The following SULF2 variants were observed in gnomAD, a reference collection of about 807,000 sequenced individuals.
SULF2 encodes sulfatase 2.
Under a neutral mutation model 107.7 loss-of-function variants are expected in SULF2, and 52 were observed. The ratio of observed to expected loss-of-function variants is 0.48; its 90% confidence interval spans 0.39 to 0.61. The LOEUF (loss-of-function observed/expected upper bound fraction) is 0.61, where lower values mean the gene tolerates loss of function less well. SULF2 is among the 20% of genes least tolerant of loss of function. The pLI is 0.00. For missense variants in SULF2, 993 were observed against 1,177.3 expected, an observed-to-expected ratio of 0.84 and a Z score of 2.29; for synonymous variants, 460 against 464.3, an observed-to-expected ratio of 0.99 and a Z score of 0.12.
intron 3 of SULF2, among the ~76,000 whole-genome samples, chr20:47,730,743 C>T (rs889014945): frequency 2.6e-5 from 4 of 152,300 alleles, no homozygotes; most frequent in East Asian, 1.9e-4. Flanking sequence ...CCACTGTGCC[C>T]GGCCAGCTGA....
intron 4 of SULF2, among the ~76,000 whole-genome samples, chr20:47,695,331 T>C (rs1370238084): frequency 6.6e-6 from 1 of 152,274 alleles, no homozygotes; most frequent in Non-Finnish European, 1.5e-5. Context: ...AAGTTTTATC[T>C]GTGAAGTAGA....
Position 47,678,595 on chromosome 20 carries a change from T to G in SULF2, c.1193+81A>C. On this transcript the variant is annotated intron_variant, in intron 8 of 20. Coordinates refer to ENST00000688720, the MANE Select transcript of SULF2 (RefSeq NM_001387048.1). The surrounding 1 kb of genome is among the most constrained non-coding windows in gnomAD (Gnocchi z 4.5). ...CTCCCGACCCTTGGAGACCCCACGT[T>G]CTAGACCCACAGGGTTTTGCTCTGA... is the stretch of plus-strand genomic sequence containing the variant. The G allele has an allele frequency of 1.3e-6, 2 of 1,572,152 alleles. No individual in the cohort carries two copies. The highest frequency in any genetic ancestry group is 1.7e-6 in the Non-Finnish European group (2 of 1,154,492).
At chr20:47,664,962 C>A (rs571230949) in intron 14 of SULF2, among the ~76,000 whole-genome samples, 7 of 152,248 alleles carry the variant, frequency 4.6e-5, no homozygotes, top group Non-Finnish European at 7.3e-5. Flanking sequence ...CTCTGCGCAG[C>A]CAGCACGGGT....
At chr20:47,778,158 T>C (rs981418017) in intron 1 of SULF2, among the ~76,000 whole-genome samples, 6 of 152,238 alleles carry the variant, frequency 3.9e-5, no homozygotes, top group Admixed American at 2.6e-4. Context: ...AAAAAGCTCC[T>C]CTTCTCTGGC....
chr20:47,731,538 C>T (rs915255622), intron 3 of SULF2, among the ~76,000 whole-genome samples: 3 of 152,130 alleles, frequency 2.0e-5, no homozygotes, highest in South Asian at 4.2e-4. Flanking sequence ...CAGCTGCAGT[C>T]GGGGTTCCTG....
chr20:47,662,717 C>T lies in SULF2; in HGVS notation c.2370+353G>A, dbSNP rs117222112. ...TTACTGTTATATTAGCTGCGCGGTCCGTGTAGGCCCTGCAGTGGGTGATAT... is the reference window on the plus strand; with the variant it reads ...TTACTGTTATATTAGCTGCGCGGTCTGTGTAGGCCCTGCAGTGGGTGATAT... On this transcript the variant is annotated intron_variant, in intron 17 of 20. Coordinates refer to ENST00000688720, the MANE Select transcript of SULF2 (RefSeq NM_001387048.1). Among the ~76,000 whole-genome samples, 114 of 152,288 alleles carry T rather than the reference C, an allele frequency of 7.5e-4. 3 individuals are homozygous for T. The East Asian group carries it at 0.019, about 26-fold the overall frequency.
chr20:47,663,229 A>C lies in SULF2; in HGVS notation c.2228-17T>G, dbSNP rs781458839. 3.2e-5 allele frequency: 52 copies of C among 1,613,586 alleles called. No homozygotes were observed. Among genetic ancestry groups the C allele is most frequent in the Non-Finnish European group, 4.4e-5 (52 of 1,179,854 alleles). On this transcript the variant is annotated splice_polypyrimidine_tract_variant and intron_variant, in intron 16 of 20. Transcript: ENST00000688720. The stretch of plus-strand genomic sequence containing the variant: ...AAGGCCCCACTGCCAAGGAAGAGAG[A>C]GCATGTCCTGAGTGCCTGCGGGAGG...
chr20:47,748,334 A>G (rs2090090696), intron 2 of SULF2, among the ~76,000 whole-genome samples: 2 of 152,076 alleles, frequency 1.3e-5, no homozygotes, highest in Admixed American at 1.3e-4. Flanking sequence ...TCTCCTCATG[A>G]CACAGGTCTC....
At chr20:47,714,816 T>A (rs2089059030) in intron 3 of SULF2, among the ~76,000 whole-genome samples, 1 of 152,182 alleles carries the variant, frequency 6.6e-6, no homozygotes, top group South Asian at 2.1e-4. Flanking sequence ...CCAAAGCTCA[T>A]ACCTGCCCCA....
At chr20:47,682,682 A>G (rs1025683665) in intron 7 of SULF2, among the ~76,000 whole-genome samples, 6 of 152,144 alleles carry the variant, frequency 3.9e-5, no homozygotes, top group Admixed American at 3.3e-4. Flanking sequence ...CCCAGCCCAG[A>G]ACAGAAATCC....
At chr20:47,668,255 A>G (rs971515171) in intron 11 of SULF2, among the ~76,000 whole-genome samples, 2 of 152,266 alleles carry the variant, frequency 1.3e-5, no homozygotes, top group African/African-American at 4.8e-5. Context: ...CTAAGGGCCC[A>G]GGCCAGCCTC....
chr20:47,663,242 T>G, intron 16 of SULF2, 30 bp from the exon 17 acceptor site: 1 of 1,612,608 alleles, frequency 6.2e-7, no homozygotes, highest in South Asian at 1.1e-5. Context: ...ATGTCCTGAG[T>G]GCCTGCGGGA....
rs1047490240 is a variant in SULF2 at position 47,680,488 on chromosome 20, T to G, written c.1065-1684A>C. On this transcript the variant is annotated intron_variant, in intron 7 of 20. Coordinates refer to ENST00000688720, the MANE Select transcript of SULF2 (RefSeq NM_001387048.1). This position sits in a 1 kb window ranked among gnomAD's most constrained non-coding sequence, Gnocchi z 4.2. The stretch of plus-strand genomic sequence containing the variant: ...ACAGGACCCAGGACCTGTTGAATGG[T>G]GGACAGTCCCGTCAGAGCATCTGAG... Among the ~76,000 whole-genome samples the G allele has an allele frequency of 3.3e-5, 5 of 152,218 alleles. No individual in the cohort carries two copies. The highest frequency in any genetic ancestry group is 5.9e-5 in the Non-Finnish European group (4 of 68,024).
chr20:47,731,187 C>CTCTTTTTT (rs1186229502), intron 3 of SULF2, among the ~76,000 whole-genome samples: 18 of 81,166 alleles, frequency 2.2e-4, no homozygotes, highest in African/African-American at 1.0e-3. Flanking sequence ...TGTATCTTCT[C>CTCTTTTTT]TTTTTTTTTT....
intron 2 of SULF2, among the ~76,000 whole-genome samples, chr20:47,746,982 T>TAA (rs61191776): frequency 0.026 from 3,149 of 120,828 alleles, 70 homozygotes; most frequent in Non-Finnish European, 0.032. Context: ...CTTAAATAAA[T>TAA]AAAAAAAAAA....
intron 1 of SULF2, among the ~76,000 whole-genome samples, chr20:47,764,688 A>C (rs546127946): frequency 6.6e-6 from 1 of 152,276 alleles, no homozygotes; most frequent in South Asian, 2.1e-4. Flanking sequence ...GCTGGTGACA[A>C]TGGGGTGGAC....
Position 47,672,238 on chromosome 20 carries a change from C to G in SULF2, c.1536G>C (p.Lys512Asn). 6.2e-7 allele frequency: 1 copy of G among 1,612,680 alleles called. No individual in the cohort carries two copies. Among genetic ancestry groups the G allele is most frequent in the Non-Finnish European group, 8.5e-7 (1 of 1,179,032 alleles). The change falls in exon 11 of 21, where the codon AAG (lysine) becomes AAC (asparagine). Residue 512 changes from lysine to asparagine, a missense_variant. Coordinates refer to ENST00000688720, the MANE Select transcript of SULF2 (RefSeq NM_001387048.1). Reference protein sequence around the residue: ...EACTCDSGDYKLSLAGRRKKL... With the variant: ...EACTCDSGDYNLSLAGRRKKL... The stretch of plus-strand genomic sequence containing the variant: ...TTTTCCGGCGTCCGGCCAGGCTGAG[C>G]TTGTAGTCCCCGCTGTCACAGGTGC...
chr20:47,742,656 G>T (rs541610003), intron 2 of SULF2, among the ~76,000 whole-genome samples: 17 of 152,174 alleles, frequency 1.1e-4, no homozygotes, highest in Non-Finnish European at 2.4e-4. Context: ...TATTTAACGT[G>T]ATTTAAGAAA....
At chr20:47,718,831 CA>C (rs1216019932) in intron 3 of SULF2, among the ~76,000 whole-genome samples, 8 of 152,122 alleles carry the variant, frequency 5.3e-5, no homozygotes, top group Admixed American at 5.2e-4. Flanking sequence ...GTTAGACATT[CA>C]GGTGGAAACA....
Sources: gnomAD v4.1 joint callset for allele counts (sites outside exome capture counted in the v4.1 genomes callset) on GRCh38, gnomAD v4.1.1 for gene constraint, Gnocchi (gnomAD v3.1) non-coding constraint, MANE v1.5 for transcripts, NCBI Gene and HGNC (gene_info 2026-07-23, HGNC 2026-07-21) for gene names.